KAT14: variants seen among roughly 807,000 people sequenced by gnomAD.
KAT14 encodes the protein lysine acetyltransferase 14, also known as cysteine-rich protein 2-binding protein.
KAT14 carries 66 observed loss-of-function variants against 78.4 expected under a neutral mutation model. The observed-to-expected ratio is 0.84, with a 90% CI of 0.69 to 1.03. The LOEUF (loss-of-function observed/expected upper bound fraction) is 1.03. Ranked by LOEUF, KAT14 falls within the 50% of genes least tolerant of loss-of-function variation. The pLI, the probability that KAT14 is intolerant of heterozygous loss-of-function variation, is 0.00. For missense variants in KAT14, 870 were observed against 972.5 expected, an observed-to-expected ratio of 0.89 and a Z score of 1.40; for synonymous variants, 344 against 359.4, an observed-to-expected ratio of 0.96 and a Z score of 0.48.
At chr20:18,137,773 G>T, upstream of KAT14, 1 of 550,708 alleles carries the variant, frequency 1.8e-6, no homozygotes, top group Non-Finnish European at 2.9e-6. Flanking sequence ...CGTAGAGCCT[G>T]GGCGCCGCTC....
intron 7 of KAT14, among the ~76,000 whole-genome samples, chr20:18,176,937 G>A (rs1054698793): frequency 2.6e-5 from 4 of 152,178 alleles, no homozygotes; most frequent in African/African-American, 7.2e-5. Flanking sequence ...AGCATTGGGA[G>A]TGGTTTACAC....
At chr20:18,141,351 C>G (rs148394005) in intron 1 of KAT14, among the ~76,000 whole-genome samples, 5 of 151,788 alleles carry the variant, frequency 3.3e-5, no homozygotes, top group Admixed American at 2.6e-4. Context: ...TTATTTTTTC[C>G]GCTGGTAGTA....
intron 4 of KAT14, among the ~76,000 whole-genome samples, chr20:18,151,279 C>T (rs910202734): frequency 1.3e-5 from 2 of 152,102 alleles, no homozygotes; most frequent in Non-Finnish European, 2.9e-5. Context: ...ACACTGCAAC[C>T]GCCACCTCCC....
At chr20:18,158,885 C>T (rs1351532249) in intron 4 of KAT14, among the ~76,000 whole-genome samples, 199 bp from the exon 5 acceptor site, 3 of 152,078 alleles carry the variant, frequency 2.0e-5, no homozygotes, top group Admixed American at 6.6e-5. Context: ...ATGAACAAAC[C>T]GAGGCTGCTA....
chr20:18,141,034 T>TA (rs1260152000), intron 1 of KAT14, among the ~76,000 whole-genome samples: 87 of 19,152 alleles, frequency 4.5e-3, no homozygotes, highest in Non-Finnish European at 5.4e-3. Flanking sequence ...TTTTTTTTTT[T>TA]TTTTTTTTTT....
intron 7 of KAT14, among the ~76,000 whole-genome samples, chr20:18,163,892 G>T (rs2038538540): frequency 6.6e-6 from 1 of 152,032 alleles, no homozygotes; most frequent in African/African-American, 2.4e-5. Flanking sequence ...TTGGATATTG[G>T]ACCCTGTAGA....
chr20:18,138,089 C>CG (rs2037362910), intron 1 of KAT14, 38 bp downstream of exon 1: 1 of 1,437,378 alleles, frequency 7.0e-7, no homozygotes, highest in Non-Finnish European at 9.1e-7. Context: ...GGCCCGCGCG[C>CG]GCGGCGTCGA....
At chr20:18,156,496 A>G (rs567247665) in intron 4 of KAT14, among the ~76,000 whole-genome samples, 4 of 152,324 alleles carry the variant, frequency 2.6e-5, no homozygotes, top group Admixed American at 2.6e-4. Context: ...ATTCCATACA[A>G]ATGTCTCATT....
intron 7 of KAT14, 121 bp downstream of exon 7, chr20:18,163,066 A>C: frequency 7.6e-7 from 1 of 1,316,096 alleles, no homozygotes; most frequent in Non-Finnish European, 1.0e-6. Context: ...TGGGAAGAGA[A>C]AAGTAAAGTG....
At chr20:18,180,050 G>A (rs2039193345) in intron 7 of KAT14, among the ~76,000 whole-genome samples, 1 of 151,984 alleles carries the variant, frequency 6.6e-6, no homozygotes, top group Admixed American at 6.6e-5. Context: ...TGCATTTTTA[G>A]TAGAGACAGG....
intron 1 of KAT14, among the ~76,000 whole-genome samples, chr20:18,141,329 A>G (rs2037568659): frequency 6.6e-6 from 1 of 152,118 alleles, no homozygotes; most frequent in Non-Finnish European, 1.5e-5. Context: ...GGTAACTACC[A>G]TTGATGAGCA....
intron 3 of KAT14, 103 bp from the exon 4 acceptor site, chr20:18,150,718 A>T (rs1454033303): frequency 1.9e-6 from 3 of 1,549,728 alleles, no homozygotes; most frequent in Admixed American, 3.8e-5. Flanking sequence ...TCTGTTCCCC[A>T]CCATTCCTAC....
At chr20:18,186,933 AT>A (rs1166762722) in intron 10 of KAT14, among the ~76,000 whole-genome samples, 1 of 152,194 alleles carries the variant, frequency 6.6e-6, no homozygotes, top group Non-Finnish European at 1.5e-5. Flanking sequence ...TTTGTTTTGT[AT>A]TTATTCAAGG....
In KAT14 at chr20:18,164,611, C is replaced by CTTT. The variant is rs1568669495; in HGVS notation, c.1668+1668_1668+1669insTTT. Among the ~76,000 whole-genome samples the CTTT allele has an allele frequency of 1.2e-4, 5 of 42,492 alleles. 2 individuals are homozygous for CTTT. The highest frequency in any genetic ancestry group is 2.7e-3 in the East Asian group (1 of 370). The allele number at this position is 42,492 out of a possible 152,430, so 27.9% of individuals were successfully genotyped here. ...TTTGTTAGTCATCTATTCACTTGTT[C>CTTT]TTGTTCTTTTTTTTTTTTTTTTTGA... On this transcript the variant is annotated intron_variant, in intron 7 of 10. Coordinates refer to ENST00000688188, the MANE Select transcript of KAT14 (RefSeq NM_001392073.1).
At chr20:18,148,433 A>T (rs16978782) in intron 3 of KAT14, among the ~76,000 whole-genome samples, 7,259 of 152,202 alleles carry the variant, frequency 0.048, 212 homozygotes, top group Middle Eastern at 0.088. Context: ...TGGCACAAGT[A>T]AAGATACTAT....
At position 18,159,207 on chromosome 20, in the gene KAT14, G is replaced by GC. The variant is rs1344949839; in HGVS notation, c.629dup (p.Thr211AsnfsTer5). Reference sequence around the variant, plus strand: ...GATGGTGGAAACTTGTTCATAACAAGCCCCCAACGATGAAACCTGAAGGAG... The same window carrying GC: ...GATGGTGGAAACTTGTTCATAACAAGCCCCCCAACGATGAAACCTGAAGGAG... On this transcript the variant is annotated frameshift_variant, in exon 5 of 11. Transcript: ENST00000688188. LOFTEE classifies it high-confidence loss of function. 1 of 1,614,106 alleles carries GC rather than the reference G, an allele frequency of 6.2e-7. No individual in the cohort carries two copies. Among genetic ancestry groups the GC allele is most frequent in the South Asian group, 1.1e-5 (1 of 91,068 alleles).
At chr20:18,139,790 A>G (rs186173634) in intron 1 of KAT14, among the ~76,000 whole-genome samples, 1 of 152,232 alleles carries the variant, frequency 6.6e-6, no homozygotes, top group African/African-American at 2.4e-5. Flanking sequence ...AGGTTCAAGG[A>G]AGCAAGAAAT....
intron 1 of KAT14, among the ~76,000 whole-genome samples, chr20:18,140,858 A>T (rs2037520959): frequency 6.7e-6 from 1 of 149,726 alleles, no homozygotes; most frequent in African/African-American, 2.4e-5. Flanking sequence ...AAACAAAAAA[A>T]ACCCTATTTA....
intron 7 of KAT14, 32 bp downstream of exon 7, chr20:18,162,977 G>C (rs2038504127): frequency 6.2e-7 from 1 of 1,601,106 alleles, no homozygotes; most frequent in Admixed American, 1.7e-5. Context: ...AAAGCCCTTG[G>C]GGGCAGGAGT....
Sources: allele counts gnomAD v4.1 joint callset (sites outside exome capture counted in the v4.1 genomes callset), GRCh38; gene constraint gnomAD v4.1.1; transcripts MANE v1.5; gene names NCBI Gene and HGNC (gene_info 2026-07-23, HGNC 2026-07-21).